Variants in TADA2A observed in about 807,000 individuals in gnomAD.
TADA2A encodes the protein transcriptional adaptor 2A.
A neutral mutation model predicts 67.4 loss-of-function variants in TADA2A; 38 were observed. The observed-to-expected ratio is 0.56, with a 90% CI of 0.44 to 0.74. TADA2A has a LOEUF of 0.74. Ranked by LOEUF, TADA2A falls within the 30% of genes least tolerant of loss-of-function variation. TADA2A has a pLI of 0.00. For synonymous variants in TADA2A, 192 were observed against 181.6 expected (o/e 1.06, Z -0.46); for missense variants, 454 against 547.0 (o/e 0.83, Z 1.70).
At chr17:37,448,564 A>G (rs1483705810) in intron 8 of TADA2A, among the ~76,000 whole-genome samples, 1 of 152,204 alleles carries the variant, frequency 6.6e-6, no homozygotes, top group Admixed American at 6.5e-5. Flanking sequence ...TGCTTAGTGT[A>G]GTTCCTTCTT....
At chr17:37,472,071 CT>C (rs985279075) in intron 14 of TADA2A, among the ~76,000 whole-genome samples, 104 of 142,108 alleles carry the variant, frequency 7.3e-4, no homozygotes, top group Admixed American at 7.0e-4. Flanking sequence ...GCGTTAGGGA[CT>C]TTTTTTTTTT....
intron 15 of TADA2A, among the ~76,000 whole-genome samples, 169 bp from the exon 16 acceptor site, chr17:37,476,626 AGT>A (rs1052366546): frequency 4.6e-5 from 7 of 152,120 alleles, no homozygotes; most frequent in African/African-American, 1.7e-4. Context: ...GTCCTTAGGG[AGT>A]GTTCTCTCCA....
chr17:37,459,943 G>A (rs1200776113), intron 9 of TADA2A, among the ~76,000 whole-genome samples: 2 of 151,424 alleles, frequency 1.3e-5, no homozygotes, highest in Non-Finnish European at 2.9e-5. Flanking sequence ...GTGCATGCCT[G>A]TAGTCCAAGC....
Position 37,424,304 on chromosome 17 carries a change from C to T in TADA2A, c.132+689C>T, listed in dbSNP as rs575573794. 1.3e-4 allele frequency among the ~76,000 whole-genome samples: 19 copies of T among 151,738 alleles called. No homozygotes were observed. The East Asian group carries it at 3.6e-3, about 29-fold the overall frequency. On this transcript the variant is annotated intron_variant, in intron 3 of 15. Transcript: ENST00000615182. ...CAAAAATAAAAAAAAATTAGCTGGG[C>T]ATGATGGCGGGTGCCTGTAATCCCA...
intron 5 of TADA2A, among the ~76,000 whole-genome samples, chr17:37,440,242 C>T (rs1484424516): frequency 6.6e-6 from 1 of 151,988 alleles, no homozygotes. Context: ...CGCCTGGCCT[C>T]AGTCATCTTT....
At chr17:37,410,153 G>C in intron 1 of TADA2A, among the ~76,000 whole-genome samples, 1 of 151,914 alleles carries the variant, frequency 6.6e-6, no homozygotes, top group South Asian at 2.1e-4. Context: ...AGGTTGCAAT[G>C]AGTACTCCAG....
intron 2 of TADA2A, among the ~76,000 whole-genome samples, chr17:37,418,086 C>G (rs1270624941): frequency 6.6e-6 from 1 of 152,142 alleles, no homozygotes; most frequent in African/African-American, 2.4e-5. Flanking sequence ...ACACCACAAG[C>G]TAGAATAACT....
At chr17:37,443,274 CAG>C (rs2052976519) in intron 7 of TADA2A, among the ~76,000 whole-genome samples, 2 of 146,500 alleles carry the variant, frequency 1.4e-5, no homozygotes, top group South Asian at 2.1e-4. Flanking sequence ...TTTTTTGAGA[CAG>C]AGTTTTTGCT....
chr17:37,423,596 C>T lies in TADA2A; in HGVS notation c.113C>T (p.Pro38Leu). The T allele has an allele frequency of 1.2e-6, 2 of 1,612,558 alleles. No homozygotes were observed. Among genetic ancestry groups the T allele is most frequent in the South Asian group, 1.1e-5 (1 of 90,572 alleles). ...YIKCAECGPPPFFLCLQCFTR... is the reference protein window; with the variant it reads ...YIKCAECGPPLFFLCLQCFTR... ...AAGTGTGCTGAATGTGGGCCACCTC[C>T]TTTTTTCCTCTGCTTGCAGGTAACT... Residue 38 changes from proline (P) to leucine (L), a missense_variant, in exon 3 of 16, where the codon CCT (proline) becomes CTT (leucine). Pro to Leu is a moderately conservative substitution (Grantham distance 98). Coordinates refer to ENST00000615182, the MANE Select transcript of TADA2A (RefSeq NM_001166105.3).
intron 2 of TADA2A, among the ~76,000 whole-genome samples, chr17:37,418,852 G>C (rs2052138231): frequency 6.6e-6 from 1 of 151,626 alleles, no homozygotes; most frequent in South Asian, 2.1e-4. Flanking sequence ...GCCTCCCAAA[G>C]TGCTGGGATT....
intron 6 of TADA2A, 127 bp downstream of exon 6, chr17:37,440,789 T>C: frequency 8.3e-7 from 1 of 1,201,922 alleles, no homozygotes; most frequent in Non-Finnish European, 1.2e-6. Flanking sequence ...GGAGTTAGTA[T>C]GGCAGCTATT....
At chr17:37,407,603 C>A (rs968032565) in intron 1 of TADA2A, 10 of 151,358 alleles carry the variant, frequency 6.6e-5, no homozygotes, top group African/African-American at 2.4e-4. Context: ...AAAGAAGATT[C>A]TGCAGACTGC....
chr17:37,442,452 C>T (rs985017049), intron 6 of TADA2A, 112 bp from the exon 7 acceptor site: 45 of 805,672 alleles, frequency 5.6e-5, no homozygotes, highest in Middle Eastern at 2.4e-4. Flanking sequence ...ATCTTTTTCA[C>T]ATTTCCTTTT....
chr17:37,452,549 T>G (rs1367074534), intron 8 of TADA2A, among the ~76,000 whole-genome samples: 1 of 152,174 alleles, frequency 6.6e-6, no homozygotes, highest in Non-Finnish European at 1.5e-5. Flanking sequence ...TTGTATTTGG[T>G]TATACTGTAT....
At chr17:37,416,206 T>C (rs1417690922) in intron 2 of TADA2A, among the ~76,000 whole-genome samples, 1 of 151,054 alleles carries the variant, frequency 6.6e-6, no homozygotes, top group East Asian at 2.0e-4. Context: ...GTAACCTCTG[T>C]CTCCCGGGTT....
chr17:37,407,178 G>C (rs1486756227), intron 1 of TADA2A: 1 of 151,342 alleles, frequency 6.6e-6, no homozygotes, highest in Non-Finnish European at 1.5e-5. Flanking sequence ...CTGACCCCGG[G>C]GGCCCGCCCC....
At chr17:37,441,731 A>G (rs1337208782) in intron 6 of TADA2A, among the ~76,000 whole-genome samples, 1 of 151,008 alleles carries the variant, frequency 6.6e-6, no homozygotes, top group Non-Finnish European at 1.5e-5. Flanking sequence ...CAGTGGCACA[A>G]CCTCGGCTTA....
intron 1 of TADA2A, chr17:37,407,618 T>C (rs1415682465): frequency 6.6e-6 from 1 of 152,090 alleles, no homozygotes; most frequent in Non-Finnish European, 1.5e-5. Flanking sequence ...GACTGCAATA[T>C]TGTGCTTTTT....
intron 1 of TADA2A, among the ~76,000 whole-genome samples, chr17:37,409,384 CA>C (rs2051785126): frequency 6.6e-6 from 1 of 152,148 alleles, no homozygotes; most frequent in Non-Finnish European, 1.5e-5. Flanking sequence ...CTACCACACC[CA>C]GCCTGCTTTC....
Sources: allele counts gnomAD v4.1 joint callset (sites outside exome capture counted in the v4.1 genomes callset), GRCh38; gene constraint gnomAD v4.1.1; transcripts MANE v1.5; gene names NCBI Gene and HGNC (gene_info 2026-07-23, HGNC 2026-07-21).